AIG1: variants seen among roughly 807,000 people sequenced by gnomAD.
AIG1 encodes the protein androgen-induced gene 1 protein.
Under a neutral mutation model 31.4 loss-of-function variants are expected in AIG1, and 23 were observed. The ratio of observed to expected loss-of-function variants is 0.73; its 90% CI spans 0.53 to 1.04. The LOEUF is 1.04. AIG1 is among the 50% of genes least tolerant of loss of function. The probability of loss-of-function intolerance (pLI) is 0.00; values close to 1 mark genes in which losing one functional copy is unlikely to be tolerated. For synonymous variants in AIG1, 100 were observed against 110.5 expected (o/e 0.90, Z 0.60); for missense variants, 274 against 295.0 (o/e 0.93, Z 0.52).
chr6:143,175,376 T>C (rs1192290386), intron 3 of AIG1, among the ~76,000 whole-genome samples: 1 of 152,248 alleles, frequency 6.6e-6, no homozygotes, highest in African/African-American at 2.4e-5. Context: ...GAAGTTTTGC[T>C]CGATTATTTC....
intron 1 of AIG1, among the ~76,000 whole-genome samples, chr6:143,125,436 A>G: frequency 6.6e-6 from 1 of 152,254 alleles, no homozygotes; most frequent in Admixed American, 6.5e-5. Context: ...TATTTGTTAA[A>G]AAAATCAATG....
At chr6:143,174,968 A>G (rs958661575) in intron 3 of AIG1, among the ~76,000 whole-genome samples, 7 of 152,240 alleles carry the variant, frequency 4.6e-5, no homozygotes, top group African/African-American at 1.7e-4. Flanking sequence ...TTCAAGATTT[A>G]GAGCTCCTTT....
Position 143,219,586 on chromosome 6 carries a change from A to G in AIG1, c.399+54403A>G, listed in dbSNP as rs1792311372. Reference sequence around the variant, plus strand: ...CAAATGAAAAATATAACAAAAGAACAGATGCCTGTAGAACTCCTCTGATTG... The same window carrying G: ...CAAATGAAAAATATAACAAAAGAACGGATGCCTGTAGAACTCCTCTGATTG... On this transcript the variant is annotated intron_variant, in intron 3 of 5. Transcript: ENST00000357847. Among the ~76,000 whole-genome samples the G allele has an allele frequency of 2.0e-5, 3 of 152,236 alleles. No homozygotes were observed. The South Asian group carries it at 6.2e-4, about 32-fold the overall frequency.
At chr6:143,091,358 A>G (rs1437945158) in intron 1 of AIG1, among the ~76,000 whole-genome samples, 1 of 152,230 alleles carries the variant, frequency 6.6e-6, no homozygotes, top group African/African-American at 2.4e-5. Context: ...GTGTTTAGCT[A>G]TGTATAGAAT....
At chr6:143,127,513 A>C (rs1351690531) in intron 1 of AIG1, among the ~76,000 whole-genome samples, 1 of 152,266 alleles carries the variant, frequency 6.6e-6, no homozygotes, top group Non-Finnish European at 1.5e-5. Flanking sequence ...AGGTCAAGAC[A>C]AATATACTCT....
At chr6:143,307,192 C>T (rs1291048840) in intron 4 of AIG1, among the ~76,000 whole-genome samples, 1 of 152,248 alleles carries the variant, frequency 6.6e-6, no homozygotes, top group Admixed American at 6.5e-5. Flanking sequence ...AAGCCTTCTT[C>T]TCTCAGCTCG....
intron 5 of AIG1, among the ~76,000 whole-genome samples, chr6:143,337,703 TCTC>T (rs1453570829): frequency 5.3e-5 from 8 of 152,030 alleles, no homozygotes; most frequent in Non-Finnish European, 1.0e-4. Context: ...CTGCACCTCT[TCTC>T]CTCCAGCTAC....
Position 143,334,157 on chromosome 6 carries a change from ATTG to A in AIG1, c.679+713_679+715del. 1 of 1,511,554 alleles carries A rather than the reference ATTG, an allele frequency of 6.6e-7. No individual in the cohort carries two copies. The highest frequency in any genetic ancestry group is 1.4e-5 in the African/African-American group (1 of 71,868). 93.6% of individuals were successfully genotyped at this position (1,511,554 alleles called of 1,614,324 possible). On this transcript the variant is annotated intron_variant, in intron 5 of 5. Transcript: ENST00000357847. This position sits in a 1 kb window ranked among gnomAD's most constrained non-coding sequence, Gnocchi z 5.1. ...AAAGTGTATGTACAATAACATAAAA[ATTG>A]AAAGGTGGAAAAAGCGCCAGCACAG...
chr6:143,307,624 C>A (rs1799429323), intron 4 of AIG1, among the ~76,000 whole-genome samples: 1 of 152,098 alleles, frequency 6.6e-6, no homozygotes, highest in Non-Finnish European at 1.5e-5. Flanking sequence ...GGGGTGCCTC[C>A]CAGTTAGGCT....
chr6:143,241,938 T>C (rs1794273130), intron 3 of AIG1, among the ~76,000 whole-genome samples: 1 of 152,198 alleles, frequency 6.6e-6, no homozygotes, highest in African/African-American at 2.4e-5. Context: ...ATTTCATGTT[T>C]AGATTTGGGT....
At position 143,288,697 on chromosome 6, in the gene AIG1, A is replaced by C. The variant is rs565948484; in HGVS notation, c.515+4472A>C. Among the ~76,000 whole-genome samples, 5 of 152,358 alleles carry C rather than the reference A, an allele frequency of 3.3e-5. No homozygotes were observed. The South Asian group carries it at 1.0e-3, about 32-fold the overall frequency. On this transcript the variant is annotated intron_variant, in intron 4 of 5. Coordinates refer to ENST00000357847, the MANE Select transcript of AIG1 (RefSeq NM_016108.4). The surrounding 1 kb of genome is among the most constrained non-coding windows in gnomAD (Gnocchi z 4.4). ...TATTTAAAGAGGTTTATTCTGAGGC[A>C]ATACGAGTGACCATGGCCCAGGAAA... is the stretch of plus-strand genomic sequence containing the variant.
chr6:143,116,607 G>A (rs1481331077), intron 1 of AIG1, among the ~76,000 whole-genome samples: 4 of 150,890 alleles, frequency 2.7e-5, no homozygotes, highest in Admixed American at 6.6e-5. Context: ...GGCAGGAGAG[G>A]CCTATTTTGC....
intron 3 of AIG1, among the ~76,000 whole-genome samples, chr6:143,181,529 A>T (rs1788717600): frequency 6.6e-6 from 1 of 152,224 alleles, no homozygotes; most frequent in Non-Finnish European, 1.5e-5. Context: ...GCAGATTTAA[A>T]TTTTAATATG....
Position 143,330,556 on chromosome 6 carries a change from A to G in AIG1, c.516-2726A>G, listed in dbSNP as rs1583893634. ...GAGAATAACAGGAGATTAAATCAGA[A>G]AAGTGCGGGGTAGGGCCTTGAAGAA... On this transcript the variant is annotated intron_variant, in intron 4 of 5. Transcript: ENST00000357847. This position sits in a 1 kb window ranked among gnomAD's most constrained non-coding sequence, Gnocchi z 4.4. 6.6e-6 allele frequency among the ~76,000 whole-genome samples: 1 copy of G among 152,224 alleles called. No homozygotes were observed. The highest frequency in any genetic ancestry group is 2.1e-4 in the South Asian group (1 of 4,812).
At chr6:143,222,357 G>C (rs1030362027) in intron 3 of AIG1, among the ~76,000 whole-genome samples, 1 of 151,946 alleles carries the variant, frequency 6.6e-6, no homozygotes, top group African/African-American at 2.4e-5. Flanking sequence ...ATCGGGAACG[G>C]CAGTGTGAAA....
chr6:143,200,762 C>T lies in AIG1; in HGVS notation c.399+35579C>T, dbSNP rs541745005. ...TTTTCCGTTTCTTTGTAGGCTCCTC[C>T]TCTCCTGGACATTTACGTATTGTGT... On this transcript the variant is annotated intron_variant, in intron 3 of 5. Coordinates refer to ENST00000357847, the MANE Select transcript of AIG1 (RefSeq NM_016108.4). Among the ~76,000 whole-genome samples, 5 of 152,282 alleles carry T rather than the reference C, an allele frequency of 3.3e-5. No individual in the cohort carries two copies. The South Asian group carries it at 1.0e-3, about 32-fold the overall frequency.
chr6:143,130,802 TA>T (rs1369841372), intron 1 of AIG1, among the ~76,000 whole-genome samples: 2 of 152,202 alleles, frequency 1.3e-5, no homozygotes, highest in Non-Finnish European at 2.9e-5. Flanking sequence ...GGGTTTGTTG[TA>T]CAGATTGTTT....
intron 3 of AIG1, among the ~76,000 whole-genome samples, chr6:143,184,538 C>T (rs759367480): frequency 6.6e-6 from 1 of 152,180 alleles, no homozygotes; most frequent in Non-Finnish European, 1.5e-5. Flanking sequence ...TCTCAAAGCT[C>T]CTCTTCCTAT....
intron 1 of AIG1, among the ~76,000 whole-genome samples, chr6:143,086,936 C>T (rs977071982): frequency 6.6e-6 from 1 of 152,154 alleles, no homozygotes. Context: ...CTAGTTGGCC[C>T]TCGGCTTCCC....
Sources: allele counts gnomAD v4.1 joint callset (sites outside exome capture counted in the v4.1 genomes callset), GRCh38; gene constraint gnomAD v4.1.1; non-coding constraint Gnocchi (gnomAD v3.1); transcripts MANE v1.5; gene names NCBI Gene and HGNC (gene_info 2026-07-23, HGNC 2026-07-21).